Variants in TBCD observed in about 807,000 individuals in gnomAD.
TBCD encodes the protein tubulin-specific chaperone D.
A neutral mutation model predicts 169.3 loss-of-function variants in TBCD; 105 were observed. The observed-to-expected ratio is 0.62, with a 90% CI of 0.53 to 0.73. The LOEUF (loss-of-function observed/expected upper bound fraction) is 0.73, where lower values mean the gene tolerates loss of function less well. Among genes scored for constraint, TBCD ranks in the 30% least tolerant of loss-of-function variants. The probability of loss-of-function intolerance (pLI) is 0.00; values close to 1 mark genes in which losing one functional copy is unlikely to be tolerated. For synonymous variants in TBCD, 700 were observed against 643.9 expected (o/e 1.09, Z -1.32); for missense variants, 1,444 against 1,600.1 (o/e 0.90, Z 1.66).
intron 17 of TBCD, among the ~76,000 whole-genome samples, chr17:82,893,950 C>G (rs746630191): frequency 1.4e-4 from 21 of 152,092 alleles, no homozygotes; most frequent in South Asian, 8.3e-4. Flanking sequence ...CCCGTTTTAC[C>G]CGTGCTGGTT....
chr17:82,807,615 G>T lies in TBCD; in HGVS notation c.1095G>T (p.Leu365=), dbSNP rs372440113. 1.0e-4 allele frequency: 162 copies of T among 1,542,918 alleles called. 1 individual carries two copies. In the African/African-American group the frequency reaches 2.1e-3, roughly 20 times the overall value. Residue 365 remains leucine (L), a synonymous_variant, in exon 11 of 39, where the codon CTG becomes CTT. Coordinates refer to ENST00000355528, the MANE Select transcript of TBCD (RefSeq NM_005993.5). ...ACCTTCCTCTTCCTACAGAGCAGCT[G>T]CTGGTCGGGCTGAAGGACAAGGACA... is the stretch of plus-strand genomic sequence containing the variant. The part of the protein sequence containing the change: ...PEGVERVIEQ[L]LVGLKDKDTV...
intron 13 of TBCD, among the ~76,000 whole-genome samples, chr17:82,856,741 C>T (rs949958254): frequency 1.3e-5 from 2 of 148,892 alleles, no homozygotes; most frequent in Non-Finnish European, 3.0e-5. Flanking sequence ...GGACCGCGTG[C>T]GGACCCTCGC....
At chr17:82,887,053 C>T (rs1441040862) in intron 15 of TBCD, among the ~76,000 whole-genome samples, 2 of 151,686 alleles carry the variant, frequency 1.3e-5, no homozygotes, top group Non-Finnish European at 2.9e-5. Context: ...TCTGGCAAAA[C>T]CGCAATGGAA....
rs761911999 is a variant in TBCD, at chr17:82,870,396, G to A, written c.1475+16G>A. 2.3e-5 allele frequency: 37 copies of A among 1,609,222 alleles called. No homozygotes were observed. The highest frequency in any genetic ancestry group is 5.0e-5 in the Admixed American group (3 of 59,664). ...CAATCTCGAGGTAGGCCCATTCGTCGAGGTACATCGGATGCGCCGTGCCCC... is the reference window on the plus strand; with the variant it reads ...CAATCTCGAGGTAGGCCCATTCGTCAAGGTACATCGGATGCGCCGTGCCCC... On this transcript the variant is annotated intron_variant, in intron 14 of 38. Transcript: ENST00000355528.
At chr17:82,807,828 G>A (rs1332078101) in intron 11 of TBCD, among the ~76,000 whole-genome samples, 160 bp downstream of exon 11, 1 of 152,224 alleles carries the variant, frequency 6.6e-6, no homozygotes, top group African/African-American at 2.4e-5. Flanking sequence ...CGTGAAGATG[G>A]TTCCCGAGGC....
At chr17:82,916,725 G>A (rs2061061861) in intron 23 of TBCD, among the ~76,000 whole-genome samples, 2 of 151,960 alleles carry the variant, frequency 1.3e-5, no homozygotes, top group Non-Finnish European at 2.9e-5. Context: ...ATCTTTATTT[G>A]GTTTTCAGCA....
chr17:82,850,225 TG>T, intron 13 of TBCD, among the ~76,000 whole-genome samples: 1 of 143,562 alleles, frequency 7.0e-6, no homozygotes, highest in Non-Finnish European at 1.5e-5. Context: ...GTGCTGCTGT[TG>T]GCTGTGCTGC....
chr17:82,887,164 T>TGTGTGC (rs1351184017), intron 15 of TBCD, among the ~76,000 whole-genome samples: 1 of 104,458 alleles, frequency 9.6e-6, no homozygotes, highest in African/African-American at 4.5e-5. Context: ...TGTGTGTGTG[T>TGTGTGC]GTGTGCGCGC....
rs967077474 is a variant in TBCD at position 82,782,285 on chromosome 17, A to T, written c.771+564A>T. Among the ~76,000 whole-genome samples the T allele has an allele frequency of 6.6e-6, 1 of 152,146 alleles. No individual in the cohort carries two copies. Among genetic ancestry groups the T allele is most frequent in the African/African-American group, 2.4e-5 (1 of 41,418 alleles). ...ACGAGGAGGAAAGGTCAAGTCTCAG[A>T]AGAGGGCAAAGCCTCTTTTGGGTCA... On this transcript the variant is annotated intron_variant, in intron 7 of 38. Coordinates refer to ENST00000355528, the MANE Select transcript of TBCD (RefSeq NM_005993.5). The surrounding 1 kb of genome is among the most constrained non-coding windows in gnomAD (Gnocchi z 5.1).
At chr17:82,893,010 T>A (rs933260428) in intron 16 of TBCD, 7 of 152,514 alleles carry the variant, frequency 4.6e-5, no homozygotes, top group African/African-American at 1.7e-4. Flanking sequence ...AAGAACCGGC[T>A]GGGCCAGCTG....
intron 13 of TBCD, among the ~76,000 whole-genome samples, chr17:82,858,133 C>T (rs534605735): frequency 1.3e-5 from 2 of 152,090 alleles, no homozygotes; most frequent in African/African-American, 2.4e-5. Flanking sequence ...AGGCTGGTCT[C>T]GAACTCCTGG....
At chr17:82,755,581 G>A (rs2047361023) in intron 1 of TBCD, among the ~76,000 whole-genome samples, 1 of 152,180 alleles carries the variant, frequency 6.6e-6, no homozygotes, top group African/African-American at 2.4e-5. Context: ...AGCTGTGCCT[G>A]AATTCCAACG....
intron 6 of TBCD, among the ~76,000 whole-genome samples, chr17:82,778,014 C>G (rs1033531702): frequency 1.3e-5 from 2 of 152,210 alleles, no homozygotes; most frequent in African/African-American, 2.4e-5. Flanking sequence ...ACAGAAGGCT[C>G]GCACTCTTGT....
intron 17 of TBCD, among the ~76,000 whole-genome samples, chr17:82,896,376 G>C (rs576263049): frequency 6.6e-5 from 10 of 151,812 alleles, no homozygotes; most frequent in African/African-American, 2.4e-4. Flanking sequence ...CGGTGAACAT[G>C]TGTGTACACA....
chr17:82,891,676 T>A (rs1262009810), intron 16 of TBCD, among the ~76,000 whole-genome samples: 1 of 150,998 alleles, frequency 6.6e-6, no homozygotes, highest in Non-Finnish European at 1.5e-5. Context: ...AGATTTGGAA[T>A]GAAGTTGTAA....
In TBCD at chr17:82,884,214, C is replaced by T. The variant is rs747875610; in HGVS notation, c.1533+12C>T. 24 of 1,598,060 alleles carry T rather than the reference C, an allele frequency of 1.5e-5. No individual in the cohort carries two copies. In the Middle Eastern group the frequency reaches 5.0e-4, roughly 33 times the overall value. ...GAAGAGCAGCCTCTGTAAGTTTTCTCATTTTGATATTTCCTTTCCTGAAGG... is the reference window on the plus strand; with the variant it reads ...GAAGAGCAGCCTCTGTAAGTTTTCTTATTTTGATATTTCCTTTCCTGAAGG... On this transcript the variant is annotated intron_variant, in intron 15 of 38. Coordinates refer to ENST00000355528, the MANE Select transcript of TBCD (RefSeq NM_005993.5). This position sits in a 1 kb window ranked among gnomAD's most constrained non-coding sequence, Gnocchi z 4.2.
chr17:82,755,095 G>A (rs1437123685), intron 1 of TBCD, among the ~76,000 whole-genome samples: 1 of 152,212 alleles, frequency 6.6e-6, no homozygotes. Flanking sequence ...CAGGGAAGGC[G>A]GGACATCTTG....
chr17:82,824,190 AT>A (rs1024688511), intron 13 of TBCD, among the ~76,000 whole-genome samples: 3 of 149,922 alleles, frequency 2.0e-5, no homozygotes. Flanking sequence ...TTTTATTTTT[AT>A]TTTTTTTTGA....
chr17:82,831,218 C>G lies in TBCD; in HGVS notation c.1318+16284C>G, dbSNP rs1350073531. 6.2e-7 allele frequency: 1 copy of G among 1,613,920 alleles called. No homozygotes were observed. Among genetic ancestry groups the G allele is most frequent in the Non-Finnish European group, 8.5e-7 (1 of 1,180,026 alleles). ...ATGAAGTCGGTGGGGCTCGGCCTCC[C>G]TGGGGAGCCCGTGGCTGCACTCCCT... On this transcript the variant is annotated intron_variant, in intron 13 of 38. Coordinates refer to ENST00000355528, the MANE Select transcript of TBCD (RefSeq NM_005993.5). This position sits in a 1 kb window ranked among gnomAD's most constrained non-coding sequence, Gnocchi z 4.6.
Sources: allele counts gnomAD v4.1 joint callset (sites outside exome capture counted in the v4.1 genomes callset), GRCh38; gene constraint gnomAD v4.1.1; non-coding constraint Gnocchi (gnomAD v3.1); transcripts MANE v1.5; gene names NCBI Gene and HGNC (gene_info 2026-07-23, HGNC 2026-07-21).